Variants in DOCK9 observed in about 807,000 individuals in gnomAD.
DOCK9 encodes the protein dedicator of cytokinesis protein 9.
In DOCK9, 89 loss-of-function variants were observed where a neutral mutation model predicts 263.3. That is an observed-to-expected ratio of 0.34 (90% CI 0.28 to 0.40). DOCK9 has a LOEUF of 0.40. Among genes scored for constraint, DOCK9 ranks in the 10% least tolerant of loss-of-function variants. The pLI is 1.00. For missense variants in DOCK9, 2,140 were observed against 2,603.4 expected (o/e 0.82, Z 3.87); for synonymous variants, 976 against 973.1 (o/e 1.00, Z -0.06).
chr13:98,920,928 A>G (rs368338706), intron 7 of DOCK9, 26 bp downstream of exon 7: 51 of 1,567,990 alleles, frequency 3.3e-5, no homozygotes, highest in East Asian at 1.8e-4. Flanking sequence ...AAGAAAACAT[A>G]ATGGTAAAAC....
chr13:99,038,889 C>A (rs1466500070), intron 1 of DOCK9, among the ~76,000 whole-genome samples: 1 of 152,220 alleles, frequency 6.6e-6, no homozygotes, highest in African/African-American at 2.4e-5. Flanking sequence ...CAATGAAAAA[C>A]TCACAAATAT....
chr13:98,887,477 G>A (rs911549991), intron 18 of DOCK9, among the ~76,000 whole-genome samples: 1 of 151,386 alleles, frequency 6.6e-6, no homozygotes, highest in African/African-American at 2.4e-5. Context: ...TTAGCGGGGT[G>A]TGGTGGCAGG....
At chr13:99,029,706 G>A (rs1221621564) in intron 1 of DOCK9, among the ~76,000 whole-genome samples, 1 of 152,194 alleles carries the variant, frequency 6.6e-6, no homozygotes, top group Non-Finnish European at 1.5e-5. Context: ...TGTAGAGTAA[G>A]TGAAACCCTC....
intron 39 of DOCK9, among the ~76,000 whole-genome samples, chr13:98,835,865 G>A (rs373345679): frequency 3.3e-5 from 5 of 149,908 alleles, no homozygotes; most frequent in African/African-American, 1.2e-4. Flanking sequence ...TTAGCCTCCC[G>A]TAGCTGGGAC....
chr13:98,999,308 A>ACTCTCTCT (rs200490875), intron 1 of DOCK9, among the ~76,000 whole-genome samples: 3 of 92,044 alleles, frequency 3.3e-5, no homozygotes, highest in Admixed American at 1.9e-4. Flanking sequence ...ACACACACAC[A>ACTCTCTCT]CACACACACT....
intron 18 of DOCK9, 39 bp downstream of exon 18, chr13:98,888,119 C>T (rs1291772597): frequency 7.0e-7 from 1 of 1,431,452 alleles, no homozygotes; most frequent in Non-Finnish European, 9.5e-7. Context: ...ATGGAAAAAT[C>T]AGAATTCGTA....
upstream of DOCK9, among the ~76,000 whole-genome samples, chr13:98,979,999 G>A (rs529752651): frequency 6.6e-6 from 1 of 152,278 alleles, no homozygotes; most frequent in South Asian, 2.1e-4. Context: ...GAATGTCTGG[G>A]CATTAATAAG....
intron 14 of DOCK9, 69 bp downstream of exon 14, chr13:98,898,110 G>T: frequency 9.5e-7 from 1 of 1,053,976 alleles, no homozygotes; most frequent in Non-Finnish European, 1.4e-6. Flanking sequence ...ACAACAAACA[G>T]AATAGGCCTA....
chr13:99,054,846 C>T (rs1019934543), intron 1 of DOCK9, among the ~76,000 whole-genome samples: 1 of 152,092 alleles, frequency 6.6e-6, no homozygotes, highest in Non-Finnish European at 1.5e-5. Flanking sequence ...GCCTTTACTA[C>T]GAGAAAAATT....
chr13:98,995,170 C>A (rs923743619), intron 1 of DOCK9, among the ~76,000 whole-genome samples: 9 of 152,314 alleles, frequency 5.9e-5, no homozygotes, highest in African/African-American at 1.9e-4. Flanking sequence ...ACACCGTTCC[C>A]GAGGAAATCT....
intron 38 of DOCK9, among the ~76,000 whole-genome samples, chr13:98,844,028 G>C (rs1463894317): frequency 6.6e-6 from 1 of 152,210 alleles, no homozygotes; most frequent in South Asian, 2.1e-4. Flanking sequence ...GTTAACCTCT[G>C]TGTTATAGAA....
Position 98,886,617 on chromosome 13 carries a change from T to C in DOCK9, c.2051A>G (p.Tyr684Cys), listed in dbSNP as rs768481002. 17 of 1,613,560 alleles carry C rather than the reference T, an allele frequency of 1.1e-5. No individual in the cohort carries two copies. The South Asian group carries it at 1.8e-4, about 17-fold the overall frequency. The change falls in exon 19 of 53, where the codon TAT becomes TGT. Residue 684 changes from tyrosine (Y) to cysteine (C), a missense_variant. Coordinates refer to ENST00000682017, the MANE Select transcript of DOCK9 (RefSeq NM_001366683.2). ...EEDSQPLKCIYGRPGGPVFTR... is the reference protein window; with the variant it reads ...EEDSQPLKCICGRPGGPVFTR... Reference sequence around the variant, plus strand: ...GAAAACTGGCCCACCAGGTCTGCCATAAATGCACTAAAATAAGAGTTACCA... The same window carrying C: ...GAAAACTGGCCCACCAGGTCTGCCACAAATGCACTAAAATAAGAGTTACCA...
intron 7 of DOCK9, among the ~76,000 whole-genome samples, 172 bp downstream of exon 7, chr13:98,920,782 C>T (rs988472733): frequency 5.9e-5 from 9 of 152,198 alleles, no homozygotes; most frequent in African/African-American, 2.2e-4. Flanking sequence ...CTACATTATC[C>T]CTTCCATCTT....
intron 1 of DOCK9, among the ~76,000 whole-genome samples, chr13:98,958,398 G>C (rs1324672860): frequency 6.6e-6 from 1 of 152,260 alleles, no homozygotes; most frequent in Non-Finnish European, 1.5e-5. Context: ...TGCCTTGGGT[G>C]GGGGTGAGAG....
At chr13:98,979,180 A>ATAGTAGTAGCAG (rs1555439295), upstream of DOCK9, among the ~76,000 whole-genome samples, 13 of 132,788 alleles carry the variant, frequency 9.8e-5, no homozygotes, top group African/African-American at 3.7e-4. Context: ...AGCAGCAGCA[A>ATAGTAGTAGCAG]TAGTAGTAGT....
intron 32 of DOCK9, among the ~76,000 whole-genome samples, chr13:98,860,731 G>T (rs1269543582): frequency 2.7e-5 from 4 of 150,770 alleles, no homozygotes; most frequent in Non-Finnish European, 5.9e-5. Context: ...TATGGATGCT[G>T]GGTGGGGGTG....
chr13:98,798,272 G>A (rs982028342), intron 50 of DOCK9, among the ~76,000 whole-genome samples: 1 of 152,220 alleles, frequency 6.6e-6, no homozygotes, highest in African/African-American at 2.4e-5. Context: ...GGTCTGGTGA[G>A]CTTAGCAAGG....
chr13:99,075,058 G>T (rs1218318027), intron 1 of DOCK9, among the ~76,000 whole-genome samples: 1 of 152,052 alleles, frequency 6.6e-6, no homozygotes, highest in Non-Finnish European at 1.5e-5. Flanking sequence ...ACTGTAAATG[G>T]CACCATGTAT....
intron 34 of DOCK9, 37 bp downstream of exon 34, chr13:98,855,861 T>C: frequency 6.2e-6 from 10 of 1,610,312 alleles, no homozygotes; most frequent in Non-Finnish European, 8.5e-6. Flanking sequence ...AATCCATTGA[T>C]TATAAGAAAC....
Sources: allele counts gnomAD v4.1 joint callset (sites outside exome capture counted in the v4.1 genomes callset), GRCh38; gene constraint gnomAD v4.1.1; transcripts MANE v1.5; gene names NCBI Gene and HGNC (gene_info 2026-07-23, HGNC 2026-07-21).